The following POU2F2 variants were observed in gnomAD, a reference collection of about 807,000 sequenced individuals.
POU2F2 encodes the protein POU domain, class 2, transcription factor 2.
POU2F2 carries 14 observed loss-of-function variants against 63.5 expected under a neutral mutation model. The ratio of observed to expected loss-of-function variants is 0.22; its 90% confidence interval spans 0.15 to 0.34. POU2F2 has a LOEUF of 0.34. Among genes scored for constraint, POU2F2 ranks in the 10% least tolerant of loss-of-function variants. The probability of loss-of-function intolerance (pLI) is 1.00; values close to 1 mark genes in which losing one functional copy is unlikely to be tolerated. For synonymous variants in POU2F2, 306 were observed against 348.6 expected, an observed-to-expected ratio of 0.88 and a Z score of 1.36; for missense variants, 607 against 815.2, an observed-to-expected ratio of 0.74 and a Z score of 3.11.
intron 5 of POU2F2, among the ~76,000 whole-genome samples, chr19:42,106,772 AGAG>A (rs1461312934): frequency 7.0e-6 from 1 of 142,886 alleles, no homozygotes; most frequent in Admixed American, 7.2e-5. Context: ...AGAAGGAGGA[AGAG>A]GAGAAGGAGG....
At chr19:42,099,666 A>G in intron 6 of POU2F2, 48 bp from the exon 7 acceptor site, 1 of 1,604,536 alleles carries the variant, frequency 6.2e-7, no homozygotes, top group South Asian at 1.1e-5. Flanking sequence ...GGGGAAGGTG[A>G]GGAAGTTCTG....
At chr19:42,101,487 G>C (rs1045101284) in intron 5 of POU2F2, among the ~76,000 whole-genome samples, 1 of 152,162 alleles carries the variant, frequency 6.6e-6, no homozygotes, top group Non-Finnish European at 1.5e-5. Context: ...AGACAGCCAC[G>C]TGCAAGCCAA....
At chr19:42,122,104 G>A in intron 4 of POU2F2, 22 bp downstream of exon 4, 1 of 1,603,252 alleles carries the variant, frequency 6.2e-7, no homozygotes, top group Admixed American at 1.7e-5. Context: ...CCACTTCCCT[G>A]GCTGTTCTGA....
chr19:42,100,085 CTTTTTTTT>C (rs948283094), intron 5 of POU2F2, among the ~76,000 whole-genome samples: 2 of 77,080 alleles, frequency 2.6e-5, no homozygotes, highest in East Asian at 4.0e-4. Flanking sequence ...CCCTTTCTTT[CTTTTTTTT>C]TTTTTTTTTT....
At chr19:42,181,234 A>G (rs1232123710) in intron 1 of POU2F2, among the ~76,000 whole-genome samples, 5 of 152,252 alleles carry the variant, frequency 3.3e-5, no homozygotes, top group Non-Finnish European at 5.9e-5. Context: ...CAGCACATGT[A>G]TACACACCAG....
chr19:42,193,718 C>T (rs981384345), intron 1 of POU2F2, among the ~76,000 whole-genome samples: 1 of 152,178 alleles, frequency 6.6e-6, no homozygotes, highest in Non-Finnish European at 1.5e-5. Flanking sequence ...ACAGCCAAAC[C>T]CATGCATACG....
chr19:42,169,101 T>C lies in POU2F2; in HGVS notation c.-70+6862A>G, dbSNP rs1599707131. ...CTATGTGATGAGTTAATTAATTCTATACACATTTTCACACTTGAACATCTA... is the reference window on the plus strand; with the variant it reads ...CTATGTGATGAGTTAATTAATTCTACACACATTTTCACACTTGAACATCTA... On this transcript the variant is annotated intron_variant, in intron 1 of 6. Coordinates refer to the POU2F2 transcript ENST00000524801. This position sits in a 1 kb window ranked among gnomAD's most constrained non-coding sequence, Gnocchi z 4.3. Among the ~76,000 whole-genome samples the C allele has an allele frequency of 6.6e-6, 1 of 152,320 alleles. No homozygotes were observed. The highest frequency in any genetic ancestry group is 1.9e-4 in the East Asian group (1 of 5,190).
At position 42,156,147 on chromosome 19, in the gene POU2F2, C is replaced by T. The variant is rs1255805949; in HGVS notation, c.-9+4185G>A. The T allele has an allele frequency of 6.6e-6, 1 of 152,194 alleles. No homozygotes were observed. Among genetic ancestry groups the T allele is most frequent in the Admixed American group, 6.5e-5 (1 of 15,290 alleles). The allele number at this position is 152,194 out of a possible 1,614,324, so 9.4% of individuals were successfully genotyped here. Reference sequence around the variant, plus strand: ...AGAGCCGAGTGCCTGCTCTCGGCACCTGGGGCTCCATGCTTACCAGGATGG... The same window carrying T: ...AGAGCCGAGTGCCTGCTCTCGGCACTTGGGGCTCCATGCTTACCAGGATGG... On this transcript the variant is annotated intron_variant, in intron 2 of 6. Transcript: ENST00000524801. This position sits in a 1 kb window ranked among gnomAD's most constrained non-coding sequence, Gnocchi z 4.1.
At chr19:42,181,504 AT>A (rs1218818392) in intron 1 of POU2F2, among the ~76,000 whole-genome samples, 1 of 152,200 alleles carries the variant, frequency 6.6e-6, no homozygotes, top group African/African-American at 2.4e-5. Context: ...ATAGTACCTG[AT>A]GTATACTAAG....
Position 42,093,895 on chromosome 19 carries a change from C to T in POU2F2, c.1198G>A (p.Val400Ile), listed in dbSNP as rs748277159. 3 of 1,608,694 alleles carry T rather than the reference C, an allele frequency of 1.9e-6. No individual in the cohort carries two copies. Among genetic ancestry groups the T allele is most frequent in the Admixed American group, 3.3e-5 (2 of 59,758 alleles). Reference sequence around the variant, plus strand: ...GTCCCCGCGCCCCCTTGGGGTGTGACCTGAGGAGAGAAGAAAGGAGGTGTG... The same window carrying T: ...GTCCCCGCGCCCCCTTGGGGTGTGATCTGAGGAGAGAAGAAAGGAGGTGTG... ...GKPASYSPHM[V>I]TPQGGAGTLP... Residue 400 changes from valine to isoleucine, a missense_variant and splice_region_variant, in exon 12 of 15, where the codon GTC (valine) becomes ATC (isoleucine). Val to Ile is a conservative substitution (Grantham distance 29). Around this residue, in one of 7 missense-constraint regions of POU2F2, gnomAD observed 270 missense variants for 307.5 expected, o/e 0.88. Transcript: ENST00000692977.
chr19:42,192,969 C>T (rs558012549), intron 1 of POU2F2, among the ~76,000 whole-genome samples: 85 of 151,912 alleles, frequency 5.6e-4, no homozygotes, highest in Non-Finnish European at 7.1e-4. Context: ...GCCTGTAATC[C>T]CAGCACTTTG....
intron 1 of POU2F2, among the ~76,000 whole-genome samples, chr19:42,187,921 T>C (rs556015193): frequency 1.2e-4 from 19 of 152,194 alleles, no homozygotes; most frequent in African/African-American, 3.9e-4. Flanking sequence ...TGCCTCCTGA[T>C]ACTCATGTCC....
intron 5 of POU2F2, among the ~76,000 whole-genome samples, chr19:42,102,603 A>T (rs757173266): frequency 1.2e-4 from 19 of 152,028 alleles, no homozygotes; most frequent in Non-Finnish European, 2.6e-4. Flanking sequence ...AAAAAAAAAA[A>T]ATCTTGTTTG....
chr19:42,142,873 T>C (rs778442661), intron 2 of POU2F2, among the ~76,000 whole-genome samples: 4 of 152,126 alleles, frequency 2.6e-5, no homozygotes, highest in Non-Finnish European at 5.9e-5. Context: ...CTGTACTCAT[T>C]TTTTTAATTA....
intron 1 of POU2F2, among the ~76,000 whole-genome samples, chr19:42,193,083 G>A (rs1320145249): frequency 4.6e-5 from 7 of 151,408 alleles, no homozygotes; most frequent in East Asian, 1.9e-4. Context: ...AAAAATAGCC[G>A]GGCGTGGTGG....
chr19:42,171,016 C>A (rs2034753242), intron 1 of POU2F2, among the ~76,000 whole-genome samples: 1 of 152,270 alleles, frequency 6.6e-6, no homozygotes, highest in Non-Finnish European at 1.5e-5. Context: ...TTGAATCTCC[C>A]TTACCTGGCA....
In POU2F2 at chr19:42,171,243, GTA is replaced by G. The variant is rs371389439; in HGVS notation, c.-70+4718_-70+4719del. On this transcript the variant is annotated intron_variant, in intron 1 of 6. Transcript: ENST00000524801. ...AGTATGTGTGGAAGTCCGCTTGTAGGTATATGTGTATGGGTGGTGGGATGGCT... is the reference window on the plus strand; with the variant it reads ...AGTATGTGTGGAAGTCCGCTTGTAGGTATGTGTATGGGTGGTGGGATGGCT... 1.7e-3 allele frequency among the ~76,000 whole-genome samples: 263 copies of G among 152,318 alleles called. 1 individual carries two copies. The highest frequency in any genetic ancestry group is 5.9e-3 in the African/African-American group (245 of 41,572).
chr19:42,101,260 C>A (rs371268329), intron 5 of POU2F2, among the ~76,000 whole-genome samples: 96 of 152,080 alleles, frequency 6.3e-4, no homozygotes, highest in Middle Eastern at 6.8e-3. Flanking sequence ...TGTCTCCCCC[C>A]ACTCCCTGCC....
At chr19:42,143,342 A>G (rs980241203) in intron 2 of POU2F2, among the ~76,000 whole-genome samples, 2 of 151,678 alleles carry the variant, frequency 1.3e-5, no homozygotes, top group Non-Finnish European at 2.9e-5. Context: ...AAAGAGCAAG[A>G]CTCTGCCTCA....
Sources: gnomAD v4.1 joint callset for allele counts (sites outside exome capture counted in the v4.1 genomes callset) on GRCh38, gnomAD v4.1.1 for gene constraint, gnomAD v4.1.1 regional missense constraint, Gnocchi (gnomAD v3.1) non-coding constraint, MANE v1.5 for transcripts, NCBI Gene and HGNC (gene_info 2026-07-23, HGNC 2026-07-21) for gene names.